The following TRIP11 variants were observed in gnomAD, a reference collection of about 807,000 sequenced individuals.
TRIP11 encodes the protein thyroid receptor-interacting protein 11.
Under a neutral mutation model 223.1 loss-of-function variants are expected in TRIP11, and 148 were observed. That is an observed-to-expected ratio of 0.66 (90% CI 0.58 to 0.76). The LOEUF (loss-of-function observed/expected upper bound fraction) is 0.76, where lower values mean the gene tolerates loss of function less well. TRIP11 is among the 30% of genes least tolerant of loss of function. The probability of loss-of-function intolerance (pLI) is 0.00; values close to 1 mark genes in which losing one functional copy is unlikely to be tolerated. For synonymous variants in TRIP11, 762 were observed against 772.6 expected, an observed-to-expected ratio of 0.99 and a Z score of 0.23; for missense variants, 2,043 against 2,222.0, an observed-to-expected ratio of 0.92 and a Z score of 1.62.
At chr14:91,997,863 T>C (rs1229265341) in intron 13 of TRIP11, among the ~76,000 whole-genome samples, 7 of 152,018 alleles carry the variant, frequency 4.6e-5, no homozygotes, top group South Asian at 2.1e-4. Context: ...GAAAAATAAA[T>C]GAAAAGTGCA....
rs1322935323 is a variant in TRIP11, at chr14:91,975,167, GTCA to G, written c.5457+2_5457+4del. The G allele has an allele frequency of 6.2e-7, 1 of 1,611,048 alleles. No homozygotes were observed. The highest frequency in any genetic ancestry group is 8.5e-7 in the Non-Finnish European group (1 of 1,177,446). On this transcript the variant is annotated splice_donor_variant and splice_donor_region_variant and intron_variant, in intron 18 of 20. Transcript: ENST00000267622. LOFTEE classifies it high-confidence loss of function. ...GTGTTCAGATGGCTTTCATCGTCCA[GTCA>G]CCTGCTCCATCTCCTCCCTTCTGAC...
At chr14:91,994,865 A>G (rs906943418) in intron 14 of TRIP11, among the ~76,000 whole-genome samples, 2 of 152,232 alleles carry the variant, frequency 1.3e-5, no homozygotes, top group Non-Finnish European at 2.9e-5. Context: ...TATGGACTAG[A>G]AAATGTAGTT....
intron 5 of TRIP11, 90 bp downstream of exon 5, chr14:92,017,592 A>G (rs550190288): frequency 7.1e-6 from 7 of 987,696 alleles, no homozygotes; most frequent in African/African-American, 6.5e-5. Flanking sequence ...AATGACTTTT[A>G]TAACTGAGAC....
chr14:91,985,216 G>A (rs1051429580), intron 16 of TRIP11, among the ~76,000 whole-genome samples: 7 of 151,562 alleles, frequency 4.6e-5, no homozygotes, highest in African/African-American at 1.5e-4. Flanking sequence ...ACTAACCTAC[G>A]GGGTATCTAC....
intron 1 of TRIP11, among the ~76,000 whole-genome samples, chr14:92,035,446 A>C (rs987154609): frequency 6.6e-6 from 1 of 151,702 alleles, no homozygotes; most frequent in Non-Finnish European, 1.5e-5. Flanking sequence ...GTTTATTAGG[A>C]GTGTCCAATC....
At chr14:91,987,313 C>G (rs2056615464) in intron 16 of TRIP11, among the ~76,000 whole-genome samples, 1 of 152,002 alleles carries the variant, frequency 6.6e-6, no homozygotes, top group Non-Finnish European at 1.5e-5. Flanking sequence ...CTCTGTATTC[C>G]TAAAAATCTC....
chr14:92,026,454 A>G (rs920467864), intron 2 of TRIP11: 3 of 683,756 alleles, frequency 4.4e-6, no homozygotes, highest in African/African-American at 3.6e-5. Context: ...CCATCTTTGC[A>G]TTGTTCCTCG....
At chr14:92,034,252 G>A (rs755972192) in intron 1 of TRIP11, among the ~76,000 whole-genome samples, 12 of 151,996 alleles carry the variant, frequency 7.9e-5, no homozygotes, top group Non-Finnish European at 1.3e-4. Flanking sequence ...GTAAAACCTC[G>A]TCTCTACTAA....
Position 92,004,330 on chromosome 14 carries a change from G to C in TRIP11, c.3646C>G (p.Gln1216Glu). 1 of 1,614,016 alleles carries C rather than the reference G, an allele frequency of 6.2e-7. No homozygotes were observed. Among genetic ancestry groups the C allele is most frequent in the South Asian group, 1.1e-5 (1 of 91,070 alleles). ...CACTCTTCCATTTTCTTTACTTGCT[G>C]TTTTAACTTGTCACGTTCCTGTAGA... ...ELLQERDKLK[Q>E]QVKKMEEWKQ... The change falls in exon 11 of 21, where the codon CAG becomes GAG. Residue 1216 changes from glutamine (Q) to glutamate (E), a missense_variant. By Grantham distance (29) the Gln-to-Glu change is conservative. Coordinates refer to ENST00000267622, the MANE Select transcript of TRIP11 (RefSeq NM_004239.4).
intron 7 of TRIP11, among the ~76,000 whole-genome samples, chr14:92,013,985 G>A (rs903675580): frequency 3.9e-5 from 6 of 152,198 alleles, no homozygotes; most frequent in African/African-American, 1.4e-4. Context: ...GGGCTGTGAT[G>A]AGTTACAGAA....
Position 91,966,538 on chromosome 14 carries a change from A to G in TRIP11, c.*3135T>C, listed in dbSNP as rs1355418445. ...CATAGCTTTTCCCCCCATTGATTGG[A>G]TAAGTATTTTGATAGTTTCTGTACT... On this transcript the variant is annotated 3_prime_UTR_variant, in exon 21 of 21. Coordinates refer to ENST00000267622, the MANE Select transcript of TRIP11 (RefSeq NM_004239.4). The G allele has an allele frequency of 5.0e-6, 1 of 201,866 alleles. No individual in the cohort carries two copies. Among genetic ancestry groups the G allele is most frequent in the Non-Finnish European group, 1.0e-5 (1 of 98,150 alleles). The allele number at this position is 201,866 out of a possible 1,614,324, so 12.5% of individuals were successfully genotyped here. A position where few individuals can be genotyped will look rare whatever the true frequency, so the allele number is the denominator to read the frequency against.
At position 92,003,977 on chromosome 14, in the gene TRIP11, A is replaced by C. The variant is rs1229382585; in HGVS notation, c.3999T>G (p.Ser1333Arg). 6.2e-7 allele frequency: 1 copy of C among 1,614,198 alleles called. No homozygotes were observed. Among genetic ancestry groups the C allele is most frequent in the Non-Finnish European group, 8.5e-7 (1 of 1,180,032 alleles). The change falls in exon 11 of 21, where the codon AGT (serine) becomes AGG (arginine). Residue 1333 changes from serine to arginine, a missense_variant. Transcript: ENST00000267622. ...AAGATTCACTCAATACTTCAGACTT[A>C]CTTGCTCTAAGACACTCTGCAGACT... ...TPQSAECLRA[S>R]KSEVLSESSE...
chr14:91,988,106 G>A lies in TRIP11; in HGVS notation c.5260+178C>T, dbSNP rs74073628. ...ACTGGACAGCCAGGGCCAACTTAAT[G>A]ACTCTGGTTTCACTAGGACCATACT... is the stretch of plus-strand genomic sequence containing the variant. On this transcript the variant is annotated intron_variant, in intron 16 of 20. Coordinates refer to ENST00000267622, the MANE Select transcript of TRIP11 (RefSeq NM_004239.4). 0.013 allele frequency among the ~76,000 whole-genome samples: 2,018 copies of A among 152,298 alleles called. 30 individuals carry two copies. The highest frequency in any genetic ancestry group is 0.045 in the African/African-American group (1,887 of 41,544).
At position 91,995,481 on chromosome 14, in the gene TRIP11, C is replaced by T. The variant is rs2056738355; in HGVS notation, c.4927G>A (p.Glu1643Lys). Residue 1643 changes from glutamate (E) to lysine (K), a missense_variant, in exon 14 of 21, where the codon GAA becomes AAA. Physicochemically the swap from Glu to Lys is moderately conservative, Grantham distance 56. Transcript: ENST00000267622. ...TGCTTGGAAACTACATTCAACTGTT[C>T]TTGCAATGACTCTACCTGCACACTG... ...QASVQVESLQEQLNVVSKQRD... is the reference protein window; with the variant it reads ...QASVQVESLQKQLNVVSKQRD... The T allele has an allele frequency of 6.2e-7, 1 of 1,613,998 alleles. No individual in the cohort carries two copies. Among genetic ancestry groups the T allele is most frequent in the Admixed American group, 1.7e-5 (1 of 60,002 alleles).
At position 92,003,974 on chromosome 14, in the gene TRIP11, C is replaced by T; in HGVS notation, c.4002G>A (p.Lys1334=). ...CAGAAGATTCACTCAATACTTCAGA[C>T]TTACTTGCTCTAAGACACTCTGCAG... ...PQSAECLRAS[K]SEVLSESSEL... Residue 1334 remains lysine (K), a synonymous_variant, in exon 11 of 21, where the codon AAG becomes AAA. Transcript: ENST00000267622. 6.2e-6 allele frequency: 10 copies of T among 1,614,182 alleles called. No individual in the cohort carries two copies. Among genetic ancestry groups the T allele is most frequent in the Non-Finnish European group, 7.6e-6 (9 of 1,180,030 alleles).
intron 16 of TRIP11, among the ~76,000 whole-genome samples, chr14:91,986,234 A>C (rs1355175732): frequency 6.6e-6 from 1 of 152,236 alleles, no homozygotes; most frequent in Non-Finnish European, 1.5e-5. Flanking sequence ...AACATCTGAA[A>C]ATATTCTACT....
In TRIP11 at chr14:92,011,669, A is replaced by G. The variant is rs1451169152; in HGVS notation, c.1227+86T>C. The G allele has an allele frequency of 1.3e-5, 14 of 1,071,338 alleles. No homozygotes were observed. The Admixed American group carries it at 2.6e-4, about 20-fold the overall frequency. 66.4% of individuals were successfully genotyped at this position (1,071,338 alleles called of 1,614,324 possible). ...AAAGAAACAACTCTTTGAATCTCTT[A>G]AGGAAAATTAAAACTCATTTCTCAC... On this transcript the variant is annotated intron_variant, in intron 8 of 20. Coordinates refer to ENST00000267622, the MANE Select transcript of TRIP11 (RefSeq NM_004239.4).
intron 10 of TRIP11, 98 bp from the exon 11 acceptor site, chr14:92,006,546 C>T: frequency 8.0e-7 from 1 of 1,250,658 alleles, no homozygotes; most frequent in Non-Finnish European, 1.1e-6. Context: ...AAATAATCCT[C>T]AAATATTTCT....
At chr14:91,993,432 C>T (rs972030035) in intron 15 of TRIP11, among the ~76,000 whole-genome samples, 9 of 143,346 alleles carry the variant, frequency 6.3e-5, no homozygotes, top group African/African-American at 1.6e-4. Context: ...GTCGAGATCA[C>T]GCCATTGCAC....
Sources: allele counts gnomAD v4.1 joint callset (sites outside exome capture counted in the v4.1 genomes callset), GRCh38; gene constraint gnomAD v4.1.1; transcripts MANE v1.5; gene names NCBI Gene and HGNC (gene_info 2026-07-23, HGNC 2026-07-21).